The following ZNF34 variants were observed in gnomAD, a reference collection of about 807,000 sequenced individuals.
ZNF34 encodes the protein zinc finger protein 34 (KOX 32).
ZNF34 carries 8 observed loss-of-function variants against 14.4 expected under a neutral mutation model. The observed-to-expected ratio is 0.55, with a 90% confidence interval of 0.33 to 1.00. The LOEUF (loss-of-function observed/expected upper bound fraction) is 1.00. Among genes scored for constraint, ZNF34 ranks in the 50% least tolerant of loss-of-function variants. The pLI, the probability that ZNF34 is intolerant of heterozygous loss-of-function variation, is 0.03. For synonymous variants in ZNF34, 235 were observed against 247.9 expected, an observed-to-expected ratio of 0.95 and a Z score of 0.49; for missense variants, 538 against 674.2, an observed-to-expected ratio of 0.80 and a Z score of 2.24.
In ZNF34 at chr8:144,779,423, C is replaced by T. The variant is rs953933854; in HGVS notation, c.-55+805G>A. ...CATCCTCACCACCTGCTTCTTTGTTCGATCATCAATAAATAGTGTGGGCTC... is the reference window on the plus strand; with the variant it reads ...CATCCTCACCACCTGCTTCTTTGTTTGATCATCAATAAATAGTGTGGGCTC... On this transcript the variant is annotated intron_variant, in intron 2 of 5. Transcript: ENST00000429371. The surrounding 1 kb of genome is among the most constrained non-coding windows in gnomAD (Gnocchi z 4.1). Among the ~76,000 whole-genome samples the T allele has an allele frequency of 6.6e-6, 1 of 152,258 alleles. No homozygotes were observed. The highest frequency in any genetic ancestry group is 1.5e-5 in the Non-Finnish European group (1 of 68,020).
chr8:144,777,843 G>A lies in ZNF34; in HGVS notation c.160+195C>T, dbSNP rs1160793980. Among the ~76,000 whole-genome samples the A allele has an allele frequency of 6.6e-6, 1 of 152,126 alleles. No individual in the cohort carries two copies. The highest frequency in any genetic ancestry group is 1.5e-5 in the Non-Finnish European group (1 of 67,996). The stretch of plus-strand genomic sequence containing the variant: ...AGGGAGGGGTCTGCCTGGGACCTGG[G>A]GCGAGAGGGAAGGGAAGGGCTGACT... On this transcript the variant is annotated intron_variant, in intron 4 of 5. Transcript: ENST00000429371. This position sits in a 1 kb window ranked among gnomAD's most constrained non-coding sequence, Gnocchi z 4.8.
intron 5 of ZNF34, among the ~76,000 whole-genome samples, chr8:144,776,911 CAAAAA>C (rs149216566): frequency 5.0e-5 from 5 of 100,884 alleles, no homozygotes; most frequent in African/African-American, 1.1e-4. Flanking sequence ...GACCCTGTCT[CAAAAA>C]AAAAAAAAAA....
chr8:144,786,686 GA>G (rs1225286848), intron 1 of ZNF34, among the ~76,000 whole-genome samples: 3 of 151,020 alleles, frequency 2.0e-5, no homozygotes, highest in African/African-American at 7.4e-5. Context: ...AGAAAAGAAA[GA>G]AAAAATAAAG....
chr8:144,781,410 A>C (rs1380324618), intron 1 of ZNF34, among the ~76,000 whole-genome samples: 1 of 151,662 alleles, frequency 6.6e-6, no homozygotes, highest in Non-Finnish European at 1.5e-5. Context: ...CTGGGACCAC[A>C]GGTGCGTTTA....
rs1825381700 is a variant in ZNF34, at chr8:144,774,543, G to A, written c.343C>T (p.Pro115Ser). The change falls in exon 6 of 6, where the codon CCC becomes TCC. Residue 115 changes from proline to serine, a missense_variant. By Grantham distance (74) the Pro-to-Ser change is moderately conservative. Transcript: ENST00000429371. ...GCTTCTACTGGCTCAGATCCCTGGG[G>A]ATCTTCCTCACCAAATGTCTCCTGT... ...TSQETFGEED[P>S]QGSEPVEACD... 9.3e-6 allele frequency: 15 copies of A among 1,613,932 alleles called. No individual in the cohort carries two copies. Among genetic ancestry groups the A allele is most frequent in the Non-Finnish European group, 1.3e-5 (15 of 1,179,880 alleles).
At chr8:144,781,162 T>TAAATAAATAAAA (rs1422829277) in intron 1 of ZNF34, among the ~76,000 whole-genome samples, 38 of 141,942 alleles carry the variant, frequency 2.7e-4, no homozygotes, top group South Asian at 1.3e-3. Flanking sequence ...AATAAATAAA[T>TAAATAAATAAAA]AAAAATAAAA....
In ZNF34 at chr8:144,784,619, G is replaced by A. The variant is rs1028258497; in HGVS notation, c.-108+2660C>T. 3.3e-5 allele frequency among the ~76,000 whole-genome samples: 5 copies of A among 151,650 alleles called. No individual in the cohort carries two copies. The South Asian group carries it at 6.2e-4, about 19-fold the overall frequency. On this transcript the variant is annotated intron_variant, in intron 1 of 5. Coordinates refer to ENST00000429371, the MANE Select transcript of ZNF34 (RefSeq NM_001286769.2). ...CTAAAAATACAAAAATTAGCCGGGC[G>A]TGGTGGCGGGCACCTGTAATCCCAG...
At chr8:144,778,399 G>T in intron 3 of ZNF34, 40 bp downstream of exon 3, 1 of 1,485,592 alleles carries the variant, frequency 6.7e-7, no homozygotes, top group South Asian at 1.4e-5. Context: ...GGAAAGCCCT[G>T]GGTAAAAACT....
At chr8:144,785,979 GTTTTT>G (rs35149527) in intron 1 of ZNF34, among the ~76,000 whole-genome samples, 1 of 99,280 alleles carries the variant, frequency 1.0e-5, no homozygotes, top group East Asian at 3.4e-4. Context: ...TACATAGGTA[GTTTTT>G]TTTTTTTTTT....
At chr8:144,778,661 G>A in intron 2 of ZNF34, 136 bp from the exon 3 acceptor site, 1 of 552,448 alleles carries the variant, frequency 1.8e-6, no homozygotes, top group South Asian at 3.7e-5. Flanking sequence ...GGTACTGCTA[G>A]CTGGCCTCCC....
At chr8:144,783,900 C>T (rs1163103203) in intron 1 of ZNF34, among the ~76,000 whole-genome samples, 1 of 152,230 alleles carries the variant, frequency 6.6e-6, no homozygotes, top group African/African-American at 2.4e-5. Flanking sequence ...CGCAGTGGCT[C>T]ACGCCTATAA....
In ZNF34 at chr8:144,773,430, C is replaced by T. The variant is rs370110948; in HGVS notation, c.1456G>A (p.Asp486Asn). ...CTCTGGCTGAAGGCTTTCTTGCAAT[C>T]GCTGCATCTGTAGGGTTTCTCTCCG... is the stretch of plus-strand genomic sequence containing the variant. ...HHGEKPYRCS[D>N]CKKAFSQSTY... Residue 486 changes from aspartate (D) to asparagine (N), a missense_variant, in exon 6 of 6, where the codon GAT becomes AAT. Transcript: ENST00000429371. The surrounding 1 kb of genome is among the most constrained non-coding windows in gnomAD (Gnocchi z 5.4). 5 of 1,613,598 alleles carry T rather than the reference C, an allele frequency of 3.1e-6. No homozygotes were observed. Among genetic ancestry groups the T allele is most frequent in the South Asian group, 2.2e-5 (2 of 91,072 alleles).
chr8:144,781,165 A>AT (rs201272825), intron 1 of ZNF34, among the ~76,000 whole-genome samples: 41 of 120,760 alleles, frequency 3.4e-4, no homozygotes, highest in East Asian at 1.4e-3. Flanking sequence ...AAATAAATAA[A>AT]AATAAAAATA....
intron 5 of ZNF34, among the ~76,000 whole-genome samples, chr8:144,775,569 A>G (rs1189108155): frequency 6.6e-6 from 1 of 152,194 alleles, no homozygotes; most frequent in Non-Finnish European, 1.5e-5. Context: ...ATGAAACACA[A>G]GCAGCTCTCA....
intron 1 of ZNF34, among the ~76,000 whole-genome samples, chr8:144,784,488 G>A (rs949601418): frequency 2.7e-5 from 4 of 148,126 alleles, no homozygotes; most frequent in African/African-American, 5.0e-5. Context: ...GGTCGGGCAC[G>A]GTGACTCACG....
rs1825734224 is a variant in ZNF34 at position 144,779,479 on chromosome 8, C to T, written c.-55+749G>A. Among the ~76,000 whole-genome samples the T allele has an allele frequency of 6.6e-6, 1 of 152,160 alleles. No individual in the cohort carries two copies. Among genetic ancestry groups the T allele is most frequent in the Non-Finnish European group, 1.5e-5 (1 of 68,042 alleles). On this transcript the variant is annotated intron_variant, in intron 2 of 5. Transcript: ENST00000429371. This position sits in a 1 kb window ranked among gnomAD's most constrained non-coding sequence, Gnocchi z 4.1. ...GCTTGGTGCCTTCACAGCCTCCATACTAGCGTTGGCCCCCTGGACCCACCT... is the reference window on the plus strand; with the variant it reads ...GCTTGGTGCCTTCACAGCCTCCATATTAGCGTTGGCCCCCTGGACCCACCT...
rs1456575681 is a variant in ZNF34 at position 144,773,748 on chromosome 8, T to C, written c.1138A>G (p.Thr380Ala). ...TGTTGGATAAGGTTAGAACTTTGTG[T>C]AAAGCCTTTGCCACATTCCTTGCAC... ...FECKECGKGF[T>A]QSSNLIQHQR... Residue 380 changes from threonine to alanine, a missense_variant, in exon 6 of 6, where the codon ACA becomes GCA. Transcript: ENST00000429371. The surrounding 1 kb of genome is among the most constrained non-coding windows in gnomAD (Gnocchi z 5.4). The C allele has an allele frequency of 3.7e-6, 6 of 1,614,138 alleles. No individual in the cohort carries two copies. In the East Asian group the frequency reaches 1.1e-4, roughly 30 times the overall value.
In ZNF34 at chr8:144,772,973, T is replaced by C. The variant is rs1021071668; in HGVS notation, c.*293A>G. ...CAATGACAAGCATTACGGTATTTTCTTTTTAAAATGCTCTCCAGTATGTCT... is the reference window on the plus strand; with the variant it reads ...CAATGACAAGCATTACGGTATTTTCCTTTTAAAATGCTCTCCAGTATGTCT... On this transcript the variant is annotated 3_prime_UTR_variant, in exon 6 of 6. Coordinates refer to ENST00000429371, the MANE Select transcript of ZNF34 (RefSeq NM_001286769.2). 1 of 292,284 alleles carries C rather than the reference T, an allele frequency of 3.4e-6. No individual in the cohort carries two copies. Among genetic ancestry groups the C allele is most frequent in the African/African-American group, 2.2e-5 (1 of 46,240 alleles). 18.1% of individuals were successfully genotyped at this position (292,284 alleles called of 1,614,324 possible).
At chr8:144,778,241 GC>G (rs753559496) in intron 3 of ZNF34, 77 bp from the exon 4 acceptor site, 3 of 1,546,374 alleles carry the variant, frequency 1.9e-6, no homozygotes, top group Non-Finnish European at 8.7e-7. Context: ...GCAGAAGCAT[GC>G]TAAAGGCAGC....
Sources: allele counts gnomAD v4.1 joint callset (sites outside exome capture counted in the v4.1 genomes callset), GRCh38; gene constraint gnomAD v4.1.1; non-coding constraint Gnocchi (gnomAD v3.1); transcripts MANE v1.5; gene names NCBI Gene and HGNC (gene_info 2026-07-23, HGNC 2026-07-21).